Variants in COL6A6 observed in about 807,000 individuals in gnomAD.
COL6A6 encodes collagen alpha-6(VI) chain.
A neutral mutation model predicts 208.6 loss-of-function variants in COL6A6; 183 were observed. That is an observed-to-expected ratio of 0.88 (90% CI 0.78 to 0.99). COL6A6 has a LOEUF of 0.99. Ranked by LOEUF, COL6A6 falls within the 50% of genes least tolerant of loss-of-function variation. The pLI, the probability that COL6A6 is intolerant of heterozygous loss-of-function variation, is 0.00. For synonymous variants in COL6A6, 973 were observed against 1,011.8 expected, an observed-to-expected ratio of 0.96 and a Z score of 0.73; for missense variants, 2,816 against 2,815.2, an observed-to-expected ratio of 1.00 and a Z score of -0.01.
intron 1 of COL6A6, among the ~76,000 whole-genome samples, chr3:130,524,842 A>G (rs2061926145): frequency 6.6e-6 from 1 of 152,086 alleles, no homozygotes; most frequent in Admixed American, 6.5e-5. Context: ...GAGAAAGGAG[A>G]TGTGCGCTGT....
chr3:130,610,670 G>A lies in COL6A6; in HGVS notation c.4774G>A (p.Val1592Met). 1.9e-6 allele frequency: 3 copies of A among 1,592,224 alleles called. No homozygotes were observed. The highest frequency in any genetic ancestry group is 2.6e-6 in the Non-Finnish European group (3 of 1,168,602). ...GPQGPRGEAG[V>M]KGEKGGVGSK... ...TTAGGGCCCAAGAGGAGAGGCTGGT[G>A]TGAAAGGAGAAAAAGGAGGTGTGGG... The change falls in exon 23 of 37, where the codon GTG becomes ATG. Residue 1592 changes from valine (V) to methionine (M), a missense_variant. Physicochemically the swap from Val to Met is conservative, Grantham distance 21 (BLOSUM62 1). Coordinates refer to ENST00000358511, the MANE Select transcript of COL6A6 (RefSeq NM_001102608.3).
chr3:130,542,915 T>C, intron 1 of COL6A6, among the ~76,000 whole-genome samples: 1 of 149,232 alleles, frequency 6.7e-6, no homozygotes, highest in African/African-American at 2.5e-5. Context: ...TTTTTTTTTT[T>C]TTTTTTTTTA....
At position 130,540,735 on chromosome 3, in the gene COL6A6, C is replaced by T. The variant is rs149014976; in HGVS notation, c.-31-19599C>T. Among the ~76,000 whole-genome samples, 453 of 152,270 alleles carry T rather than the reference C, an allele frequency of 3.0e-3. 4 individuals are homozygous for T. Among genetic ancestry groups the T allele is most frequent in the African/African-American group, 0.01 (426 of 41,552 alleles). On this transcript the variant is annotated intron_variant, in intron 1 of 36. Transcript: ENST00000358511. ...ATGTGTTCTCATCGTTCAGCTCCTACTTATAAGTAAGAACATGAGGTGTTT... is the reference window on the plus strand; with the variant it reads ...ATGTGTTCTCATCGTTCAGCTCCTATTTATAAGTAAGAACATGAGGTGTTT...
At chr3:130,563,818 T>C (rs888605903) in intron 3 of COL6A6, among the ~76,000 whole-genome samples, 154 bp downstream of exon 3, 6 of 152,246 alleles carry the variant, frequency 3.9e-5, no homozygotes, top group African/African-American at 1.4e-4. Context: ...CCAGTGATTA[T>C]GACCATTTTC....
At position 130,661,927 on chromosome 3, in the gene COL6A6, A is replaced by G; in HGVS notation, c.6121A>G (p.Lys2041Glu). The G allele has an allele frequency of 6.2e-7, 1 of 1,614,022 alleles. No homozygotes were observed. Residue 2041 changes from lysine to glutamate, a missense_variant, in exon 35 of 37, where the codon AAG becomes GAG. Transcript: ENST00000358511. ...AEFNLTTYRS[K>E]RLMKRHVHES... ...GTTCAATCTTACCACCTACAGAAGT[A>G]AGCGCCTCATGAAGAGGCATGTGCA...
intron 6 of COL6A6, among the ~76,000 whole-genome samples, chr3:130,570,434 A>C (rs536548964): frequency 6.6e-6 from 1 of 152,380 alleles, no homozygotes; most frequent in East Asian, 1.9e-4. Flanking sequence ...CTAAAATAAA[A>C]AGAAAAAAAT....
chr3:130,672,564 G>A (rs943928509), intron 36 of COL6A6, among the ~76,000 whole-genome samples: 2 of 151,716 alleles, frequency 1.3e-5, no homozygotes, highest in Admixed American at 6.6e-5. Flanking sequence ...CACCACACCC[G>A]GCTAATTTTT....
chr3:130,545,681 T>G (rs2062478336), intron 1 of COL6A6, among the ~76,000 whole-genome samples: 1 of 152,186 alleles, frequency 6.6e-6, no homozygotes, highest in Non-Finnish European at 1.5e-5. Flanking sequence ...AGTCTCAAAC[T>G]CCTGACCTCA....
intron 1 of COL6A6, among the ~76,000 whole-genome samples, chr3:130,523,405 A>G (rs1384176028): frequency 6.6e-6 from 1 of 152,180 alleles, no homozygotes; most frequent in Non-Finnish European, 1.5e-5. Flanking sequence ...GACTGCCTTC[A>G]GTGCCAGCTA....
intron 10 of COL6A6, 69 bp downstream of exon 10, chr3:130,582,137 C>A: frequency 2.0e-6 from 2 of 991,158 alleles, no homozygotes; most frequent in African/African-American, 3.3e-5. Context: ...AATTCTGGCT[C>A]TTAAATTTCC....
intron 24 of COL6A6, 89 bp from the exon 25 acceptor site, chr3:130,626,396 C>A: frequency 1.1e-6 from 1 of 951,010 alleles, no homozygotes; most frequent in Non-Finnish European, 1.7e-6. Context: ...TGGGCACAAA[C>A]CCATTGTTGT....
At chr3:130,648,762 T>C (rs2108397648) in intron 32 of COL6A6, among the ~76,000 whole-genome samples, 2 of 152,314 alleles carry the variant, frequency 1.3e-5, no homozygotes, top group East Asian at 3.9e-4. Flanking sequence ...TCTCTGCAGG[T>C]GAAGGGTATT....
At position 130,620,454 on chromosome 3, in the gene COL6A6, C is replaced by T. The variant is rs115906911; in HGVS notation, c.4816-1367C>T. On this transcript the variant is annotated intron_variant, in intron 23 of 36. Coordinates refer to ENST00000358511, the MANE Select transcript of COL6A6 (RefSeq NM_001102608.3). ...AAGTTTCAAAGAACACATGATCAAA[C>T]TCAAAAAAGGTGAGGGCAAAAAAGT... Among the ~76,000 whole-genome samples the T allele has an allele frequency of 3.6e-3, 549 of 152,090 alleles. 4 individuals are homozygous for T. The highest frequency in any genetic ancestry group is 0.013 in the African/African-American group (522 of 41,492).
chr3:130,608,800 C>A, intron 21 of COL6A6, 102 bp from the exon 22 acceptor site: 1 of 151,120 alleles, frequency 6.6e-6, no homozygotes, highest in Non-Finnish European at 1.3e-5. Flanking sequence ...TGCAAAGATC[C>A]TGCATTGACA....
intron 28 of COL6A6, among the ~76,000 whole-genome samples, chr3:130,639,710 A>AAAG (rs201220468): frequency 1.4e-5 from 2 of 146,650 alleles, no homozygotes; most frequent in African/African-American, 2.6e-5. Flanking sequence ...AAAAAAAAAA[A>AAAG]TGACTGATTG....
chr3:130,533,779 C>T (rs553648170), intron 1 of COL6A6, among the ~76,000 whole-genome samples: 2 of 152,286 alleles, frequency 1.3e-5, no homozygotes, highest in South Asian at 2.1e-4. Context: ...GAGACTTCTT[C>T]CCTAAGCCTC....
chr3:130,553,701 T>C (rs1027035523), intron 1 of COL6A6, among the ~76,000 whole-genome samples: 2 of 152,248 alleles, frequency 1.3e-5, no homozygotes, highest in South Asian at 2.1e-4. Context: ...GGAACTGGTA[T>C]GGTCATTTGG....
chr3:130,587,188 C>CA (rs766849445), intron 11 of COL6A6, among the ~76,000 whole-genome samples: 3 of 152,164 alleles, frequency 2.0e-5, no homozygotes, highest in Non-Finnish European at 4.4e-5. Context: ...TGCCTAGTGA[C>CA]AGTAAACCTC....
rs750998615 is a variant in COL6A6, at chr3:130,593,274, A to G, written c.4470+22A>G. The G allele has an allele frequency of 5.0e-6, 8 of 1,590,090 alleles. 1 individual carries two copies. The South Asian group carries it at 8.8e-5, about 18-fold the overall frequency. ...TCAGGTAGGGATTTGAAAAGGAAGA[A>G]CATAAAAATTGTACTGGGGATTAAG... is the stretch of plus-strand genomic sequence containing the variant. On this transcript the variant is annotated intron_variant, in intron 17 of 36. Coordinates refer to ENST00000358511, the MANE Select transcript of COL6A6 (RefSeq NM_001102608.3).
Sources: gnomAD v4.1 joint callset for allele counts (sites outside exome capture counted in the v4.1 genomes callset) on GRCh38, gnomAD v4.1.1 for gene constraint, MANE v1.5 for transcripts, NCBI Gene and HGNC (gene_info 2026-07-23, HGNC 2026-07-21) for gene names.